The following GRM8 variants were observed in gnomAD, a reference collection of about 807,000 sequenced individuals.
GRM8 encodes glutamate metabotropic receptor 8, also known as metabotropic glutamate receptor 8.
A neutral mutation model predicts 87.2 loss-of-function variants in GRM8; 47 were observed. That is an observed-to-expected ratio of 0.54 (90% CI 0.43 to 0.69). The LOEUF (loss-of-function observed/expected upper bound fraction) is 0.69, where lower values mean the gene tolerates loss of function less well. Ranked by LOEUF, GRM8 falls within the 30% of genes least tolerant of loss-of-function variation. GRM8 has a pLI of 0.00. For missense variants in GRM8, 1,019 were observed against 1,139.2 expected (o/e 0.89, Z 1.52); for synonymous variants, 396 against 404.5 (o/e 0.98, Z 0.25).
intron 2 of GRM8, among the ~76,000 whole-genome samples, chr7:127,163,883 G>A (rs1793279118): frequency 6.6e-6 from 1 of 152,060 alleles, no homozygotes; most frequent in South Asian, 2.1e-4. Flanking sequence ...TTCCCATAGG[G>A]ACCTGGACTG....
At chr7:126,633,439 C>T (rs1373093216) in intron 7 of GRM8, among the ~76,000 whole-genome samples, 2 of 152,080 alleles carry the variant, frequency 1.3e-5, no homozygotes, top group Non-Finnish European at 2.9e-5. Context: ...GCGCTAGCAT[C>T]AATGCTCCTG....
At chr7:127,150,411 C>T (rs1242033721) in intron 2 of GRM8, among the ~76,000 whole-genome samples, 2 of 152,014 alleles carry the variant, frequency 1.3e-5, no homozygotes, top group East Asian at 3.9e-4. Flanking sequence ...AGCCAGGAGC[C>T]ACCAGAACCT....
At chr7:126,761,897 G>A (rs1310380649) in intron 7 of GRM8, among the ~76,000 whole-genome samples, 2 of 152,108 alleles carry the variant, frequency 1.3e-5, no homozygotes, top group African/African-American at 2.4e-5. Flanking sequence ...GATGTCACTT[G>A]CTCTCTGTGT....
intron 7 of GRM8, among the ~76,000 whole-genome samples, chr7:126,618,057 C>T (rs1329800401): frequency 2.6e-5 from 4 of 152,270 alleles, no homozygotes; most frequent in South Asian, 2.1e-4. Flanking sequence ...AAAATAGAGC[C>T]CTCATTGCCA....
At position 126,533,058 on chromosome 7, in the gene GRM8, T is replaced by C. The variant is rs375982962; in HGVS notation, c.2324A>G (p.Glu775Gly). 4 of 1,613,468 alleles carry C rather than the reference T, an allele frequency of 2.5e-6. No homozygotes were observed. The highest frequency in any genetic ancestry group is 3.4e-6 in the Non-Finnish European group (4 of 1,179,816). ...VYAIKTRGVP[E>G]TFNEAKPIGF... ...AATAGGTTTGGCTTCATTGAAAGTC[T>C]CTGGGACACCTCTCGTTTTAATGGC... The change falls in exon 9 of 11, where the codon GAG becomes GGG. Residue 775 changes from glutamate to glycine, a missense_variant. Physicochemically the swap from Glu to Gly is moderately conservative, Grantham distance 98. Coordinates refer to ENST00000339582, the MANE Select transcript of GRM8 (RefSeq NM_000845.3).
At chr7:126,904,161 G>A in intron 4 of GRM8, 35 bp from the exon 5 acceptor site, 3 of 1,536,748 alleles carry the variant, frequency 2.0e-6, no homozygotes, top group East Asian at 2.3e-5. Flanking sequence ...CATATCACAT[G>A]TATTAAAAAT....
At chr7:126,571,724 C>G (rs971768433) in intron 8 of GRM8, among the ~76,000 whole-genome samples, 1 of 150,730 alleles carries the variant, frequency 6.6e-6, no homozygotes, top group African/African-American at 2.4e-5. Flanking sequence ...CAGAGGAGAC[C>G]AATTCCAAAT....
At chr7:126,706,845 G>T (rs1254659130) in intron 7 of GRM8, among the ~76,000 whole-genome samples, 2 of 152,050 alleles carry the variant, frequency 1.3e-5, no homozygotes, top group Admixed American at 6.6e-5. Flanking sequence ...ATTTTCAATG[G>T]TCCTCCTTAT....
chr7:126,584,490 G>T (rs1012955928), intron 8 of GRM8, among the ~76,000 whole-genome samples: 5 of 152,150 alleles, frequency 3.3e-5, no homozygotes, highest in African/African-American at 2.4e-5. Flanking sequence ...TTTGTTGACC[G>T]ATTGTCTCAA....
intron 3 of GRM8, among the ~76,000 whole-genome samples, chr7:127,003,592 T>A (rs1174911685): frequency 6.6e-6 from 1 of 151,768 alleles, no homozygotes; most frequent in Non-Finnish European, 1.5e-5. Flanking sequence ...CTCCATATTA[T>A]GTGTAGCTGT....
At chr7:127,179,841 AGCAAAG>A (rs1473370288) in intron 2 of GRM8, among the ~76,000 whole-genome samples, 2 of 152,126 alleles carry the variant, frequency 1.3e-5, no homozygotes, top group Non-Finnish European at 2.9e-5. Flanking sequence ...TCTGGGATAA[AGCAAAG>A]GCGGTGCTAA....
intron 6 of GRM8, among the ~76,000 whole-genome samples, chr7:126,779,966 G>T (rs2151635991): frequency 6.6e-6 from 1 of 152,208 alleles, no homozygotes; most frequent in Admixed American, 6.5e-5. Context: ...CTGCTGTGAG[G>T]ATTAAATGAG....
intron 2 of GRM8, among the ~76,000 whole-genome samples, chr7:127,109,385 T>TAA (rs1209641408): frequency 2.6e-5 from 4 of 152,296 alleles, no homozygotes; most frequent in South Asian, 2.1e-4. Flanking sequence ...ATGTAAAGGA[T>TAA]AAAATACAAA....
Position 126,523,374 on chromosome 7 carries a change from A to C in GRM8, c.2430+9578T>G, listed in dbSNP as rs2299453. Among the ~76,000 whole-genome samples, 264 of 152,278 alleles carry C rather than the reference A, an allele frequency of 1.7e-3. 5 individuals are homozygous for C. The East Asian group carries it at 0.044, about 25-fold the overall frequency. On this transcript the variant is annotated intron_variant, in intron 9 of 10. Transcript: ENST00000339582. The stretch of plus-strand genomic sequence containing the variant: ...GTTTTGTTTTTCCTGTTGTGTAAAG[A>C]ATGTACTCATATCTCTTGAGTTACC...
At chr7:126,559,208 A>G (rs559822866) in intron 8 of GRM8, among the ~76,000 whole-genome samples, 1 of 142,556 alleles carries the variant, frequency 7.0e-6, no homozygotes, top group South Asian at 2.2e-4. Flanking sequence ...GCTGGAGTGC[A>G]GTGGTGCGAT....
chr7:126,927,229 G>A (rs2131404659), intron 3 of GRM8, among the ~76,000 whole-genome samples: 1 of 152,208 alleles, frequency 6.6e-6, no homozygotes, highest in Middle Eastern at 3.4e-3. Context: ...TCAAACTCCT[G>A]GGCTCAACTG....
chr7:126,576,366 T>A (rs180856436), intron 8 of GRM8, among the ~76,000 whole-genome samples: 1 of 152,240 alleles, frequency 6.6e-6, no homozygotes, highest in Non-Finnish European at 1.5e-5. Flanking sequence ...CACTGCAACC[T>A]CCACCTCCTG....
chr7:126,478,085 AAAATCATTAACTTT>A (rs1806209662), intron 9 of GRM8, among the ~76,000 whole-genome samples: 1 of 152,152 alleles, frequency 6.6e-6, no homozygotes, highest in Non-Finnish European at 1.5e-5. Flanking sequence ...ATCACAGAGC[AAAATCATTAACTTT>A]AGATCTGCTA....
intron 2 of GRM8, among the ~76,000 whole-genome samples, chr7:127,108,342 T>A (rs1441788390): frequency 6.6e-6 from 1 of 152,136 alleles, no homozygotes. Flanking sequence ...TAGGTAAAAA[T>A]TTCCCAAATA....
Sources: gnomAD v4.1 joint callset for allele counts (sites outside exome capture counted in the v4.1 genomes callset) on GRCh38, gnomAD v4.1.1 for gene constraint, MANE v1.5 for transcripts, NCBI Gene and HGNC (gene_info 2026-07-23, HGNC 2026-07-21) for gene names.